Variants in CALR3 observed in about 807,000 individuals in gnomAD.
The protein encoded by CALR3 is calreticulin 3, also known as calreticulin-3.
CALR3 carries 39 observed loss-of-function variants against 48.7 expected under a neutral mutation model. The ratio of observed to expected loss-of-function variants is 0.80; its 90% CI spans 0.62 to 1.05. The LOEUF is 1.05. Among genes scored for constraint, CALR3 ranks in the 50% least tolerant of loss-of-function variants. The probability of loss-of-function intolerance (pLI) is 0.00; values close to 1 mark genes in which losing one functional copy is unlikely to be tolerated. For missense variants in CALR3, 449 were observed against 474.7 expected (o/e 0.95, Z 0.50); for synonymous variants, 185 against 172.7 (o/e 1.07, Z -0.56).
intron 6 of CALR3, 41 bp from the exon 7 acceptor site, chr19:16,482,622 G>A (rs2093382861): frequency 6.2e-7 from 1 of 1,613,976 alleles, no homozygotes; most frequent in African/African-American, 1.3e-5. Context: ...CAATGACATG[G>A]GCAGCGGAGG....
intron 2 of CALR3, 52 bp downstream of exon 2, chr19:16,495,699 T>C (rs1279380606): frequency 2.9e-6 from 4 of 1,380,854 alleles, no homozygotes; most frequent in Middle Eastern, 1.8e-4. Flanking sequence ...CCTAGAGAGG[T>C]TGCTATGGAA....
chr19:16,479,912 T>C (rs770053829), intron 8 of CALR3, among the ~76,000 whole-genome samples: 6 of 151,598 alleles, frequency 4.0e-5, no homozygotes, highest in Admixed American at 3.9e-4. Flanking sequence ...CCTGTAAAGA[T>C]TGCATGTCCT....
At chr19:16,494,496 G>A (rs2093402856) in intron 2 of CALR3, among the ~76,000 whole-genome samples, 1 of 152,090 alleles carries the variant, frequency 6.6e-6, no homozygotes, top group South Asian at 2.1e-4. Flanking sequence ...CGAGTAGCTG[G>A]GACTACAGGC....
At position 16,480,633 on chromosome 19, in the gene CALR3, G is replaced by A. The variant is rs766349117; in HGVS notation, c.992C>T (p.Ala331Val). ...TCATACCTTGGTTTCGCCCCAGGTG[G>A]CCTTGCCAAAATTATCTGCGTACTC... is the stretch of plus-strand genomic sequence containing the variant. ...DEEYADNFGK[A>V]TWGETKGPER... Residue 331 changes from alanine (A) to valine (V), a missense_variant, in exon 8 of 9, where the codon GCC (alanine) becomes GTC (valine). Coordinates refer to ENST00000269881, the MANE Select transcript of CALR3 (RefSeq NM_145046.5). 8 of 1,613,050 alleles carry A rather than the reference G, an allele frequency of 5.0e-6. No individual in the cohort carries two copies. In the African/African-American group the frequency reaches 5.3e-5, roughly 11 times the overall value.
intron 2 of CALR3, among the ~76,000 whole-genome samples, chr19:16,494,213 A>T (rs1233088024): frequency 1.3e-5 from 2 of 151,972 alleles, no homozygotes; most frequent in African/African-American, 4.8e-5. Context: ...GTTGTGCGCC[A>T]CCACACTTGG....
chr19:16,484,133 A>G lies in CALR3; in HGVS notation c.493-18T>C, dbSNP rs774977077. 1.4e-5 allele frequency: 23 copies of G among 1,607,816 alleles called. No homozygotes were observed. Among genetic ancestry groups the G allele is most frequent in the African/African-American group, 2.7e-5 (2 of 74,766 alleles). ...CCATCAACCTGCATATTTTAGGGGG[A>G]AAAGCGTAACAATTAAATCCTCAAT... is the stretch of plus-strand genomic sequence containing the variant. On this transcript the variant is annotated intron_variant, in intron 4 of 8. Coordinates refer to ENST00000269881, the MANE Select transcript of CALR3 (RefSeq NM_145046.5).
rs150376706 is a variant in CALR3, at chr19:16,484,000, G to A, written c.608C>T (p.Thr203Ile). The A allele has an allele frequency of 5.0e-6, 8 of 1,613,868 alleles. No homozygotes were observed. Among genetic ancestry groups the A allele is most frequent in the South Asian group, 4.4e-5 (4 of 91,070 alleles). Reference sequence around the variant, plus strand: ...CGGGGACGTTTCCTTCTTGAGTGATGTTAAGTTCCAGTCGTACTCTATGCT... The same window carrying A: ...CGGGGACGTTTCCTTCTTGAGTGATATTAAGTTCCAGTCGTACTCTATGCT... ...SGSIEYDWNL[T>I]SLKKETSPAE... Residue 203 changes from threonine (T) to isoleucine (I), a missense_variant, in exon 5 of 9, where the codon ACA becomes ATA. By Grantham distance (89) the Thr-to-Ile change is moderately conservative. Transcript: ENST00000269881.
Position 16,484,024 on chromosome 19 carries a change from C to A in CALR3, c.584G>T (p.Ser195Ile). The A allele has an allele frequency of 1.2e-6, 2 of 1,614,092 alleles. No homozygotes were observed. Among genetic ancestry groups the A allele is most frequent in the Non-Finnish European group, 1.7e-6 (2 of 1,180,014 alleles). ...TGTTAAGTTCCAGTCGTACTCTATG[C>A]TGCCGGATTCAATTGACTGACCATC... Reference protein sequence around the residue: ...KIDGQSIESGSIEYDWNLTSL... With the variant: ...KIDGQSIESGIIEYDWNLTSL... The change falls in exon 5 of 9, where the codon AGC (serine) becomes ATC (isoleucine). Residue 195 changes from serine to isoleucine, a missense_variant. Ser to Ile is a moderately radical substitution (Grantham distance 142). Transcript: ENST00000269881.
chr19:16,482,634 GC>G (rs1233720809), intron 6 of CALR3, 43 bp downstream of exon 6: 22 of 1,613,582 alleles, frequency 1.4e-5, no homozygotes, highest in Non-Finnish European at 1.9e-5. Flanking sequence ...CAGCGGAGGG[GC>G]AGCCCTGGGG....
chr19:16,496,090 G>A lies in CALR3; in HGVS notation c.40C>T (p.Leu14=), dbSNP rs1340987874. 6.2e-7 allele frequency: 1 copy of A among 1,607,304 alleles called. No individual in the cohort carries two copies. Among genetic ancestry groups the A allele is most frequent in the East Asian group, 2.2e-5 (1 of 44,674 alleles). The change falls in exon 1 of 9, where the codon CTG becomes TTG. Residue 14 remains leucine, a synonymous_variant. Transcript: ENST00000269881. ...TAGACGGTAGCCAGCGCCACTCGCA[G>A]CATGCATATGGCCCAGAGCTGGACC... ...ALVQLWAICM[L]RVALATVYFQ...
intron 4 of CALR3, 79 bp downstream of exon 4, chr19:16,485,083 AT>A: frequency 1.0e-6 from 1 of 1,001,716 alleles, no homozygotes; most frequent in Non-Finnish European, 1.6e-6. Context: ...TCAGTTAAGT[AT>A]TTTATTATCA....
At chr19:16,490,335 A>G (rs2093395822) in intron 3 of CALR3, 32 bp downstream of exon 3, 2 of 1,593,634 alleles carry the variant, frequency 1.3e-6, no homozygotes, top group African/African-American at 1.3e-5. Context: ...CAAAGTCACT[A>G]GAAGTGGTTG....
rs576970398 is a variant in CALR3, at chr19:16,479,690, C to T, written c.1012-416G>A. 2.8e-4 allele frequency among the ~76,000 whole-genome samples: 42 copies of T among 150,724 alleles called. No homozygotes were observed. In the East Asian group the frequency reaches 4.0e-3, roughly 14 times the overall value. Reference sequence around the variant, plus strand: ...GAGAGGATCATTTGAACCTAGGAGGCGGAGGTTGCAGTGAGTCGAGATGGC... The same window carrying T: ...GAGAGGATCATTTGAACCTAGGAGGTGGAGGTTGCAGTGAGTCGAGATGGC... On this transcript the variant is annotated intron_variant, in intron 8 of 8. Coordinates refer to ENST00000269881, the MANE Select transcript of CALR3 (RefSeq NM_145046.5).
intron 7 of CALR3, among the ~76,000 whole-genome samples, chr19:16,481,509 C>A (rs2093380724): frequency 8.0e-6 from 1 of 125,410 alleles, no homozygotes; most frequent in South Asian, 2.9e-4. Context: ...AGTGAAGTCT[C>A]ACTCTGTTGC....
intron 4 of CALR3, among the ~76,000 whole-genome samples, chr19:16,484,481 C>T (rs2093386041): frequency 6.6e-6 from 1 of 151,770 alleles, no homozygotes; most frequent in Non-Finnish European, 1.5e-5. Flanking sequence ...CCGGCCAACT[C>T]TCGATGTTTT....
At chr19:16,489,321 G>A (rs2093394227) in intron 3 of CALR3, among the ~76,000 whole-genome samples, 2 of 151,924 alleles carry the variant, frequency 1.3e-5, no homozygotes, top group Admixed American at 6.6e-5. Context: ...TGACCACCAT[G>A]GTGAAACCCC....
intron 4 of CALR3, among the ~76,000 whole-genome samples, chr19:16,484,438 AAGTG>A (rs2122132239): frequency 6.6e-6 from 1 of 152,014 alleles, no homozygotes; most frequent in South Asian, 2.1e-4. Flanking sequence ...CAGCCTCCCA[AAGTG>A]CTGGGATTAC....
Position 16,496,048 on chromosome 19 carries a change from G to A in CALR3, c.82C>T (p.Leu28=), listed in dbSNP as rs747141034. 6.3e-7 allele frequency: 1 copy of A among 1,597,914 alleles called. No individual in the cohort carries two copies. The highest frequency in any genetic ancestry group is 8.5e-7 in the Non-Finnish European group (1 of 1,171,920). ...LATVYFQEEF[L]DGEHWRNRWL... ...GGCGTGGCCCCTTCACCTCCGTCTA[G>A]AAATTCCTCTTGGAAATAGACGGTA... The change falls in exon 1 of 9, where the codon CTA becomes TTA. Residue 28 remains leucine (L), a synonymous_variant. Transcript: ENST00000269881.
At chr19:16,492,636 C>T (rs549568212) in intron 2 of CALR3, among the ~76,000 whole-genome samples, 195 of 151,438 alleles carry the variant, frequency 1.3e-3, no homozygotes, top group African/African-American at 4.5e-3. Context: ...GAGGCCGAGG[C>T]GGGAGGATCA....
Sources: allele counts gnomAD v4.1 joint callset (sites outside exome capture counted in the v4.1 genomes callset), GRCh38; gene constraint gnomAD v4.1.1; transcripts MANE v1.5; gene names NCBI Gene and HGNC (gene_info 2026-07-23, HGNC 2026-07-21).